Variants in AATK observed in about 807,000 individuals in gnomAD.
AATK encodes the protein serine/threonine-protein kinase LMTK1.
AATK carries 91 observed loss-of-function variants against 114.3 expected under a neutral mutation model. That is an observed-to-expected ratio of 0.80 (90% CI 0.67 to 0.95). The LOEUF (loss-of-function observed/expected upper bound fraction) is 0.95, where lower values mean the gene tolerates loss of function less well. Among genes scored for constraint, AATK ranks in the 40% least tolerant of loss-of-function variants. The pLI, the probability that AATK is intolerant of heterozygous loss-of-function variation, is 0.00. For missense variants in AATK, 2,176 were observed against 1,965.2 expected, an observed-to-expected ratio of 1.11 and a Z score of -2.03; for synonymous variants, 1,075 against 916.5, an observed-to-expected ratio of 1.17 and a Z score of -3.12.
In AATK at chr17:81,140,868, AGCCGTGGG is replaced by A. The variant is rs1474556215; in HGVS notation, c.56-6375_56-6368del. Among the ~76,000 whole-genome samples the A allele has an allele frequency of 1.5e-4, 9 of 59,926 alleles. 1 individual carries two copies. The highest frequency in any genetic ancestry group is 6.7e-4 in the African/African-American group (9 of 13,386). The allele number at this position is 59,926 out of a possible 152,430, so 39.3% of individuals were successfully genotyped here. On this transcript the variant is annotated intron_variant, in intron 1 of 13. Transcript: ENST00000326724. ...TGAGCCGTGGGGCTGTGGGGCCGTG[AGCCGTGGG>A]GCCGTGGGGACCGTGAGCTGTGAGC...
chr17:81,121,626 A>G lies in AATK; in HGVS notation c.2310T>C (p.Ser770=), dbSNP rs2146286977. 1 of 1,493,454 alleles carries G rather than the reference A, an allele frequency of 6.7e-7. No homozygotes were observed. The highest frequency in any genetic ancestry group is 8.9e-7 in the Non-Finnish European group (1 of 1,123,454). 92.5% of individuals were successfully genotyped at this position (1,493,454 alleles called of 1,614,324 possible). ...CTGCCTGCGGGTGGTCACCCCCACT[A>G]CTGGCTGTCTCTGTCCAGGAGGGTG... ...LVTPSWTETA[S]SGGDHPQAEP... Residue 770 remains serine, a synonymous_variant, in exon 11 of 14, where the codon AGT becomes AGC. Coordinates refer to ENST00000326724, the MANE Select transcript of AATK (RefSeq NM_001080395.3).
At chr17:81,141,397 G>A (rs1292108465) in intron 1 of AATK, among the ~76,000 whole-genome samples, 1 of 152,210 alleles carries the variant, frequency 6.6e-6, no homozygotes, top group East Asian at 1.9e-4. Flanking sequence ...GTTGCGGTGA[G>A]CTGAGATTGA....
At chr17:81,123,687 G>A (rs2060734774) in intron 9 of AATK, among the ~76,000 whole-genome samples, 1 of 147,216 alleles carries the variant, frequency 6.8e-6, no homozygotes, top group Non-Finnish European at 1.5e-5. Context: ...GGCGGGCGTG[G>A]AGCCCAAAGC....
chr17:81,160,321 C>A, intron 1 of AATK: 2 of 939,978 alleles, frequency 2.1e-6, no homozygotes, highest in Non-Finnish European at 2.5e-6. Flanking sequence ...CCGCCCCAGC[C>A]CCACCCAAGG....
rs562385816 is a variant in AATK, at chr17:81,122,651, C to T, written c.1285G>A (p.Gly429Ser). 17 of 1,468,778 alleles carry T rather than the reference C, an allele frequency of 1.2e-5. No individual in the cohort carries two copies. The highest frequency in any genetic ancestry group is 3.0e-5 in the African/African-American group (2 of 67,718). The allele number at this position is 1,468,778 out of a possible 1,614,324, so 91.0% of individuals were successfully genotyped here. The change falls in exon 11 of 14, where the codon GGT becomes AGT. Residue 429 changes from glycine (G) to serine (S), a missense_variant. Around this residue, in one of 4 missense-constraint regions of AATK, gnomAD observed 1,701 missense variants for 1,394.7 expected, o/e 1.22. Coordinates refer to ENST00000326724, the MANE Select transcript of AATK (RefSeq NM_001080395.3). Reference sequence around the variant, plus strand: ...CCGCCCAGCATGGGCCCCGCCGCACCGGGCCCGGGCCCCACGCCGCCCCCG... The same window carrying T: ...CCGCCCAGCATGGGCCCCGCCGCACTGGGCCCGGGCCCCACGCCGCCCCCG... Reference protein sequence around the residue: ...PGGGGVGPGPGAAGPMLGGVV... With the variant: ...PGGGGVGPGPSAAGPMLGGVV...
Position 81,121,215 on chromosome 17 carries a change from G to A in AATK, c.2721C>T (p.Asp907=). The change falls in exon 11 of 14, where the codon GAC becomes GAT. Residue 907 remains aspartate, a synonymous_variant. Transcript: ENST00000326724. ...CACCATCACTGGCTGAGGACGGGAT[G>A]TCCAGGGAGTCCAGGGAGTCGGGGG... is the stretch of plus-strand genomic sequence containing the variant. ...VGTPDSLDSL[D]IPSSASDGGY... 6.2e-7 allele frequency: 1 copy of A among 1,603,336 alleles called. No individual in the cohort carries two copies. The highest frequency in any genetic ancestry group is 8.5e-7 in the Non-Finnish European group (1 of 1,175,496).
intron 10 of AATK, 83 bp downstream of exon 10, chr17:81,123,111 G>T: frequency 7.4e-7 from 1 of 1,346,390 alleles, no homozygotes; most frequent in South Asian, 1.8e-5. Flanking sequence ...AACGCCAGGG[G>T]GTCAGGGTGA....
rs1313502085 is a variant in AATK, at chr17:81,166,030, C to G, written c.-38G>C. 1.4e-5 allele frequency: 21 copies of G among 1,500,504 alleles called. No homozygotes were observed. The highest frequency in any genetic ancestry group is 1.9e-5 in the Non-Finnish European group (21 of 1,123,098). 92.9% of individuals were successfully genotyped at this position (1,500,504 alleles called of 1,614,324 possible). A position where few individuals can be genotyped will look rare whatever the true frequency, so the allele number is the denominator to read the frequency against. ...GGCCGGCGGGCATCCCGGGAGGGCG[C>G]TGCGCTCAGGACGCCCGCGGCCCCG... On this transcript the variant is annotated 5_prime_UTR_variant, in exon 1 of 14. Transcript: ENST00000326724.
chr17:81,123,444 G>T, intron 9 of AATK, 101 bp from the exon 10 acceptor site: 1 of 1,117,562 alleles, frequency 8.9e-7, no homozygotes, highest in Non-Finnish European at 1.1e-6. Context: ...CCGCCATCAC[G>T]CCAGTGCCTC....
At chr17:81,145,234 C>CA (rs761538299) in intron 1 of AATK, among the ~76,000 whole-genome samples, 2,635 of 121,100 alleles carry the variant, frequency 0.022, 89 homozygotes, top group African/African-American at 0.059. Flanking sequence ...GAGACTCCAT[C>CA]AAAAAAAAAA....
At position 81,141,945 on chromosome 17, in the gene AATK, TTCCTTCCTTTCCTTCC is replaced by T. The variant is rs961442408; in HGVS notation, c.56-7460_56-7445del. Among the ~76,000 whole-genome samples, 92 of 132,176 alleles carry T rather than the reference TTCCTTCCTTTCCTTCC, an allele frequency of 7.0e-4. No individual in the cohort carries two copies. The East Asian group carries it at 0.012, about 18-fold the overall frequency. 86.7% of individuals were successfully genotyped at this position (132,176 alleles called of 152,430 possible). A position where few individuals can be genotyped will look rare whatever the true frequency, so the allele number is the denominator to read the frequency against. On this transcript the variant is annotated intron_variant, in intron 1 of 13. Transcript: ENST00000326724. ...CTTCCTTCCTTCCTTCCTTCCTTCC[TTCCTTCCTTTCCTTCC>T]TTCCTTCCTTCCTTGATAGAGTCTC...
At position 81,126,510 on chromosome 17, in the gene AATK, A is replaced by T. The variant is rs146238021; in HGVS notation, c.672T>A (p.Ala224=). Residue 224 remains alanine (A), a synonymous_variant, in exon 7 of 14, where the codon GCT becomes GCA. Coordinates refer to ENST00000326724, the MANE Select transcript of AATK (RefSeq NM_001080395.3). The surrounding 1 kb of genome is among the most constrained non-coding windows in gnomAD (Gnocchi z 5.1). ...TGCGCTGCAGGGTCCGGGGGTCGGG[A>T]GCCATGGACTCCGCCACCCGGCAGC... ...LRSCRVAESM[A]PDPRTLQRMA... is the part of the protein sequence containing the mutation. The T allele has an allele frequency of 3.9e-5, 60 of 1,550,104 alleles. No homozygotes were observed. The highest frequency in any genetic ancestry group is 5.0e-5 in the Non-Finnish European group (57 of 1,146,476).
At chr17:81,134,257 C>G in intron 2 of AATK, 111 bp downstream of exon 2, 1 of 1,458,112 alleles carries the variant, frequency 6.9e-7, no homozygotes, top group South Asian at 1.3e-5. Flanking sequence ...ACTACGGCCA[C>G]CCAGCAGCCA....
chr17:81,125,487 C>G (rs1248653098), intron 7 of AATK: 5 of 358,916 alleles, frequency 1.4e-5, no homozygotes, highest in South Asian at 1.1e-4. Flanking sequence ...CCTGCCATGC[C>G]CACTCAGAGC....
rs544255599 is a variant in AATK at position 81,159,379 on chromosome 17, G to A, written c.55+6559C>T. On this transcript the variant is annotated intron_variant, in intron 1 of 13. Transcript: ENST00000326724. ...CCAGGTAGCAGTCCTGGGGGCAGTGGCGGGGACTCTCGGGGGCTGGGCGTG... is the reference window on the plus strand; with the variant it reads ...CCAGGTAGCAGTCCTGGGGGCAGTGACGGGGACTCTCGGGGGCTGGGCGTG... Among the ~76,000 whole-genome samples, 98 of 152,284 alleles carry A rather than the reference G, an allele frequency of 6.4e-4. 1 individual carries two copies. The highest frequency in any genetic ancestry group is 2.0e-3 in the African/African-American group (84 of 41,546).
At chr17:81,118,942 C>T (rs1048086055) in intron 13 of AATK, among the ~76,000 whole-genome samples, 1 of 152,162 alleles carries the variant, frequency 6.6e-6, no homozygotes, top group African/African-American at 2.4e-5. Context: ...TGGGGTGGGG[C>T]GGATAGTGGA....
chr17:81,144,740 C>A (rs998720693), intron 1 of AATK, among the ~76,000 whole-genome samples: 10 of 152,260 alleles, frequency 6.6e-5, no homozygotes, highest in Non-Finnish European at 1.5e-4. Flanking sequence ...CGAAGTCCAG[C>A]GTGCTGGTGC....
chr17:81,162,917 A>G (rs2061442807), intron 1 of AATK, among the ~76,000 whole-genome samples: 2 of 152,050 alleles, frequency 1.3e-5, no homozygotes, highest in African/African-American at 4.8e-5. Flanking sequence ...CAACAGTGAC[A>G]CCTCTGCGTC....
At chr17:81,139,005 G>C (rs1017091003) in intron 1 of AATK, among the ~76,000 whole-genome samples, 3 of 147,856 alleles carry the variant, frequency 2.0e-5, no homozygotes, top group African/African-American at 5.0e-5. Context: ...ACGCATGCAC[G>C]CACCCCACAC....
Sources: gnomAD v4.1 joint callset for allele counts (sites outside exome capture counted in the v4.1 genomes callset) on GRCh38, gnomAD v4.1.1 for gene constraint, gnomAD v4.1.1 regional missense constraint, Gnocchi (gnomAD v3.1) non-coding constraint, MANE v1.5 for transcripts, NCBI Gene and HGNC (gene_info 2026-07-23, HGNC 2026-07-21) for gene names.